The following KATNBL1 variants were observed in gnomAD, a reference collection of about 807,000 sequenced individuals.
KATNBL1 encodes katanin regulatory subunit B1 like 1.
KATNBL1 carries 28 observed loss-of-function variants against 44.7 expected under a neutral mutation model. The ratio of observed to expected loss-of-function variants is 0.63; its 90% CI spans 0.46 to 0.86. KATNBL1 has a LOEUF of 0.86. KATNBL1 is among the 40% of genes least tolerant of loss of function. The probability of loss-of-function intolerance (pLI) is 0.00; values close to 1 mark genes in which losing one functional copy is unlikely to be tolerated. For missense variants in KATNBL1, 272 were observed against 350.7 expected, an observed-to-expected ratio of 0.78 and a Z score of 1.79; for synonymous variants, 78 against 114.9, an observed-to-expected ratio of 0.68 and a Z score of 2.06.
chr15:34,172,334 G>A (rs1248821339), intron 1 of KATNBL1, among the ~76,000 whole-genome samples: 1 of 144,680 alleles, frequency 6.9e-6, no homozygotes, highest in Non-Finnish European at 1.5e-5. Flanking sequence ...TCGGCTCACT[G>A]CAACCTCTGC....
intron 2 of KATNBL1, chr15:34,154,905 G>T: frequency 1.8e-6 from 1 of 541,942 alleles, no homozygotes. Context: ...TCCCCTATTG[G>T]CTAGGGTTGG....
At chr15:34,197,904 C>T (rs1055790403) in intron 1 of KATNBL1, among the ~76,000 whole-genome samples, 35 of 152,086 alleles carry the variant, frequency 2.3e-4, no homozygotes, top group African/African-American at 8.0e-4. Context: ...CACGCCACCA[C>T]ACCCACCTAA....
chr15:34,206,566 C>T (rs1029637079), intron 1 of KATNBL1, among the ~76,000 whole-genome samples: 3 of 152,058 alleles, frequency 2.0e-5, no homozygotes, highest in East Asian at 1.9e-4. Flanking sequence ...CCGAGGTGGG[C>T]GGATCACCTG....
intron 1 of KATNBL1, among the ~76,000 whole-genome samples, chr15:34,197,186 A>G (rs757256800): frequency 1.8e-4 from 28 of 152,376 alleles, no homozygotes; most frequent in Non-Finnish European, 3.2e-4. Context: ...CAAACGATGA[A>G]CAATGTCATG....
At chr15:34,197,291 A>G (rs559688842) in intron 1 of KATNBL1, among the ~76,000 whole-genome samples, 2 of 152,362 alleles carry the variant, frequency 1.3e-5, no homozygotes, top group South Asian at 4.1e-4. Context: ...GAGAAATATA[A>G]GTCCTAGAGT....
Position 34,183,231 on chromosome 15 carries a change from C to T in KATNBL1, c.-14-19541G>A, listed in dbSNP as rs571383018. 6.6e-5 allele frequency among the ~76,000 whole-genome samples: 10 copies of T among 152,230 alleles called. No individual in the cohort carries two copies. In the East Asian group the frequency reaches 1.7e-3, roughly 26 times the overall value. On this transcript the variant is annotated intron_variant, in intron 1 of 9. Transcript: ENST00000256544. ...CTCAGCTGTGTGGGCTGGGTCTGACCCTGCAGACTGGGGATGCCCTCAGTA... is the reference window on the plus strand; with the variant it reads ...CTCAGCTGTGTGGGCTGGGTCTGACTCTGCAGACTGGGGATGCCCTCAGTA...
At chr15:34,142,460 C>A in intron 9 of KATNBL1, 89 bp from the exon 10 acceptor site, 2 of 1,392,540 alleles carry the variant, frequency 1.4e-6, no homozygotes, top group Non-Finnish European at 1.9e-6. Context: ...GCTTAATTTG[C>A]CTTAGTTTCC....
intron 4 of KATNBL1, among the ~76,000 whole-genome samples, chr15:34,152,066 A>G (rs963068015): frequency 2.0e-5 from 3 of 148,400 alleles, no homozygotes; most frequent in African/African-American, 7.5e-5. Flanking sequence ...TCAGCCTCCC[A>G]AGCAGCTGGG....
intron 1 of KATNBL1, among the ~76,000 whole-genome samples, chr15:34,178,734 C>G (rs970447115): frequency 8.1e-6 from 1 of 123,998 alleles, no homozygotes; most frequent in Admixed American, 9.9e-5. Context: ...CCAGCCTGGG[C>G]GACAGAGCAA....
At chr15:34,183,778 A>G (rs1196690934) in intron 1 of KATNBL1, among the ~76,000 whole-genome samples, 1 of 152,254 alleles carries the variant, frequency 6.6e-6, no homozygotes, top group African/African-American at 2.4e-5. Context: ...TTAGAATGCC[A>G]TGCAGAGATC....
At chr15:34,169,318 G>A (rs1374046156) in intron 1 of KATNBL1, among the ~76,000 whole-genome samples, 1 of 152,206 alleles carries the variant, frequency 6.6e-6, no homozygotes, top group Non-Finnish European at 1.5e-5. Context: ...ACACCTCTAT[G>A]TAAATAAACT....
chr15:34,201,740 C>A, intron 1 of KATNBL1, among the ~76,000 whole-genome samples: 1 of 152,036 alleles, frequency 6.6e-6, no homozygotes. Flanking sequence ...TTTTAATTGT[C>A]TTCTTGGACT....
At chr15:34,196,335 G>A (rs1234907939) in intron 1 of KATNBL1, among the ~76,000 whole-genome samples, 1 of 151,934 alleles carries the variant, frequency 6.6e-6, no homozygotes, top group Non-Finnish European at 1.5e-5. Context: ...GGAGAATCGC[G>A]TGAACCCGGG....
chr15:34,207,863 A>T (rs1241572576), intron 1 of KATNBL1, among the ~76,000 whole-genome samples: 7 of 152,160 alleles, frequency 4.6e-5, no homozygotes, highest in Non-Finnish European at 7.4e-5. Context: ...TTGGCCTCCC[A>T]AAGTGTTGGG....
At chr15:34,209,381 G>A (rs1890372931) in intron 1 of KATNBL1, 1 of 152,106 alleles carries the variant, frequency 6.6e-6, no homozygotes, top group South Asian at 2.1e-4. Context: ...CCATATTTAA[G>A]CAATATAAGA....
chr15:34,206,139 T>G (rs1296958785), intron 1 of KATNBL1, among the ~76,000 whole-genome samples: 2 of 152,200 alleles, frequency 1.3e-5, no homozygotes, highest in Non-Finnish European at 2.9e-5. Context: ...ACAGTAATAG[T>G]GCCTTTCCCA....
chr15:34,206,642 T>C (rs1890299020), intron 1 of KATNBL1, among the ~76,000 whole-genome samples: 2 of 151,918 alleles, frequency 1.3e-5, no homozygotes. Context: ...AATACAAAAA[T>C]TACCCGGGCG....
intron 9 of KATNBL1, among the ~76,000 whole-genome samples, chr15:34,144,658 C>A (rs891849102): frequency 3.3e-5 from 5 of 152,008 alleles, no homozygotes; most frequent in Non-Finnish European, 7.4e-5. Flanking sequence ...ACAACCTCCG[C>A]CTCCCAGGTT....
intron 1 of KATNBL1, among the ~76,000 whole-genome samples, chr15:34,205,465 T>C (rs144932166): frequency 0.012 from 1,847 of 152,312 alleles, 17 homozygotes; most frequent in Admixed American, 0.029. Context: ...GTAAAATGCA[T>C]ACTGAAATGT....
Sources: gnomAD v4.1 joint callset for allele counts (sites outside exome capture counted in the v4.1 genomes callset) on GRCh38, gnomAD v4.1.1 for gene constraint, MANE v1.5 for transcripts, NCBI Gene and HGNC (gene_info 2026-07-23, HGNC 2026-07-21) for gene names.